The following CAST variants were observed in gnomAD, a reference collection of about 807,000 sequenced individuals.
CAST encodes the protein MIR583 host.
Under a neutral mutation model 119.6 loss-of-function variants are expected in CAST, and 76 were observed. The ratio of observed to expected loss-of-function variants is 0.64; its 90% CI spans 0.53 to 0.77. The LOEUF is 0.77. Among genes scored for constraint, CAST ranks in the 30% least tolerant of loss-of-function variants. The pLI is 0.00. For synonymous variants in CAST, 319 were observed against 331.6 expected (o/e 0.96, Z 0.41); for missense variants, 953 against 946.5 (o/e 1.01, Z -0.09).
At chr5:96,176,929 A>G in the CAST span, among the ~76,000 whole-genome samples, 1 of 152,200 alleles carries the variant, frequency 6.6e-6, no homozygotes, top group Non-Finnish European at 1.5e-5. Flanking sequence ...TTTCTCTGTC[A>G]TAGAACTTTT....
rs533404617 is a variant in CAST at position 96,634,654 on chromosome 5, G to C, written c.61-40885G>C. ...TCAGTAAAAATCATCAGATAGTGTT[G>C]CCTCTGCAATGAGATAATGTTGTGC... On this transcript the variant is annotated intron_variant, in intron 1 of 11. Transcript: ENST00000505143. 2.0e-5 allele frequency among the ~76,000 whole-genome samples: 3 copies of C among 152,312 alleles called. No individual in the cohort carries two copies. The East Asian group carries it at 5.8e-4, about 29-fold the overall frequency.
At chr5:96,091,639 G>A in the CAST span, among the ~76,000 whole-genome samples, 2 of 151,608 alleles carry the variant, frequency 1.3e-5, no homozygotes, top group African/African-American at 4.9e-5. Flanking sequence ...CCGAGTAGCT[G>A]GAACTACAGG....
At chr5:96,709,417 T>C (rs1755653883) in intron 3 of CAST, among the ~76,000 whole-genome samples, 1 of 152,246 alleles carries the variant, frequency 6.6e-6, no homozygotes, top group Non-Finnish European at 1.5e-5. Context: ...ACCAGAGGAC[T>C]TAGAATTCCC....
At chr5:96,727,442 C>T (rs754090520) in intron 5 of CAST, 47 bp from the exon 6 acceptor site, 6 of 1,048,406 alleles carry the variant, frequency 5.7e-6, no homozygotes, top group Non-Finnish European at 8.4e-6. Context: ...CTATGTCTAT[C>T]TTTCTTTTCT....
At chr5:96,701,384 C>G (rs1168084408) in intron 3 of CAST, among the ~76,000 whole-genome samples, 1 of 152,206 alleles carries the variant, frequency 6.6e-6, no homozygotes, top group African/African-American at 2.4e-5. Context: ...TCACCCTGTG[C>G]TGTTTTTGTC....
chr5:96,421,982 T>G, the CAST span: 3 of 664,110 alleles, frequency 4.5e-6, no homozygotes, highest in Non-Finnish European at 7.5e-6. Context: ...AATATAACAC[T>G]GTGGCAGCAT....
chr5:96,106,932 G>A, the CAST span, among the ~76,000 whole-genome samples: 1 of 140,294 alleles, frequency 7.1e-6, no homozygotes, highest in Non-Finnish European at 1.5e-5. Context: ...ATATATTTAG[G>A]ATAGTTAGCT....
At chr5:96,134,025 C>A in the CAST span, among the ~76,000 whole-genome samples, 87 of 152,326 alleles carry the variant, frequency 5.7e-4, no homozygotes, top group African/African-American at 2.0e-3. Flanking sequence ...TTGAGGAACA[C>A]AACTCTGTTT....
At chr5:96,577,235 C>T (rs891637269) in intron 1 of CAST, among the ~76,000 whole-genome samples, 1 of 151,712 alleles carries the variant, frequency 6.6e-6, no homozygotes, top group African/African-American at 2.4e-5. Context: ...CCATTATTAT[C>T]TTGTAGGATT....
chr5:96,126,596 A>T, the CAST span, among the ~76,000 whole-genome samples: 1 of 151,950 alleles, frequency 6.6e-6, no homozygotes, highest in African/African-American at 2.4e-5. Context: ...TTTGTAAGCT[A>T]TCTTAAATAG....
At chr5:96,470,776 G>A in the CAST span, among the ~76,000 whole-genome samples, 11 of 152,104 alleles carry the variant, frequency 7.2e-5, no homozygotes, top group South Asian at 2.1e-4. Flanking sequence ...AGAGAGTTGT[G>A]AACTATATTA....
At chr5:96,662,221 C>T, upstream of CAST, 1 of 548,622 alleles carries the variant, frequency 1.8e-6, no homozygotes, top group East Asian at 3.8e-5. Context: ...GGTCCCTCCG[C>T]GGGCAGGAAG....
chr5:96,020,583 A>G, the CAST span, among the ~76,000 whole-genome samples: 1 of 152,134 alleles, frequency 6.6e-6, no homozygotes, highest in Non-Finnish European at 1.5e-5. Context: ...CCTATTGTGA[A>G]TTGCTCCTGC....
At chr5:96,168,374 AC>A in the CAST span, among the ~76,000 whole-genome samples, 2 of 152,114 alleles carry the variant, frequency 1.3e-5, no homozygotes. Context: ...ATGATGGAGG[AC>A]CCTTGTGTAG....
the CAST span, among the ~76,000 whole-genome samples, chr5:96,430,390 C>T: frequency 6.6e-6 from 1 of 152,044 alleles, no homozygotes; most frequent in Non-Finnish European, 1.5e-5. Flanking sequence ...TTCTCATCGC[C>T]CAGAGAATTT....
chr5:96,535,920 T>C (rs1199634459), intron 1 of CAST, among the ~76,000 whole-genome samples: 1 of 152,072 alleles, frequency 6.6e-6, no homozygotes, highest in African/African-American at 2.4e-5. Flanking sequence ...GTACCTACTT[T>C]TATTTGTTAA....
At chr5:96,333,492 C>T in the CAST span, among the ~76,000 whole-genome samples, 1 of 152,154 alleles carries the variant, frequency 6.6e-6, no homozygotes, top group African/African-American at 2.4e-5. Context: ...AGCCTTCTCA[C>T]CTTTTTTTTC....
chr5:96,412,432 G>A, the CAST span: 2 of 1,613,750 alleles, frequency 1.2e-6, no homozygotes, highest in African/African-American at 1.3e-5. Context: ...GTCCAGGATT[G>A]AATCCAATTG....
At chr5:96,322,543 G>A in the CAST span, among the ~76,000 whole-genome samples, 1 of 152,062 alleles carries the variant, frequency 6.6e-6, no homozygotes, top group African/African-American at 2.4e-5. Context: ...CTGGTGCCTA[G>A]GTGCTTGTGG....
Sources: gnomAD v4.1 joint callset for allele counts (sites outside exome capture counted in the v4.1 genomes callset) on GRCh38, gnomAD v4.1.1 for gene constraint, MANE v1.5 for transcripts, NCBI Gene and HGNC (gene_info 2026-07-23, HGNC 2026-07-21) for gene names.